Variants in KLHL32 observed in about 807,000 individuals in gnomAD.
KLHL32 encodes the protein kelch like family member 32.
A neutral mutation model predicts 64.8 loss-of-function variants in KLHL32; 35 were observed. The ratio of observed to expected loss-of-function variants is 0.54; its 90% CI spans 0.41 to 0.72. KLHL32 has a LOEUF of 0.72. Ranked by LOEUF, KLHL32 falls within the 30% of genes least tolerant of loss-of-function variation. The pLI, the probability that KLHL32 is intolerant of heterozygous loss-of-function variation, is 0.00. For missense variants in KLHL32, 589 were observed against 768.5 expected (o/e 0.77, Z 2.76); for synonymous variants, 259 against 281.0 (o/e 0.92, Z 0.78).
chr6:97,075,057 T>G (rs1791388165), intron 5 of KLHL32, among the ~76,000 whole-genome samples: 1 of 152,050 alleles, frequency 6.6e-6, no homozygotes, highest in Admixed American at 6.6e-5. Flanking sequence ...CTAGAGAATT[T>G]CCCAAGGAAC....
intron 3 of KLHL32, among the ~76,000 whole-genome samples, chr6:97,016,131 G>T (rs1007588251): frequency 6.6e-5 from 10 of 152,250 alleles, no homozygotes; most frequent in African/African-American, 2.4e-4. Context: ...GAAATGTGGG[G>T]TCGGAGCCCC....
intron 1 of KLHL32, among the ~76,000 whole-genome samples, chr6:96,954,045 A>G (rs1180734516): frequency 2.6e-5 from 4 of 151,972 alleles, no homozygotes; most frequent in South Asian, 2.1e-4. Context: ...TTCCTTCACT[A>G]TCACCTGAGA....
At position 96,987,189 on chromosome 6, in the gene KLHL32, T is replaced by A. The variant is rs150632317; in HGVS notation, c.204+11012T>A. On this transcript the variant is annotated intron_variant, in intron 3 of 10. Coordinates refer to ENST00000369261, the MANE Select transcript of KLHL32 (RefSeq NM_052904.4). ...CTGGATTCATTGATTTTTTGAAGGGTTTTTTGAGTCTCTATTTCCTTCAGT... is the reference window on the plus strand; with the variant it reads ...CTGGATTCATTGATTTTTTGAAGGGATTTTTGAGTCTCTATTTCCTTCAGT... Among the ~76,000 whole-genome samples the A allele has an allele frequency of 3.9e-3, 597 of 152,292 alleles. 2 individuals are homozygous for A. Among genetic ancestry groups the A allele is most frequent in the African/African-American group, 0.014 (565 of 41,562 alleles).
At chr6:97,138,028 T>C (rs965621375) in intron 10 of KLHL32, among the ~76,000 whole-genome samples, 2 of 152,232 alleles carry the variant, frequency 1.3e-5, no homozygotes, top group Non-Finnish European at 2.9e-5. Context: ...CTTTCATTTT[T>C]TTAAAACACC....
intron 3 of KLHL32, among the ~76,000 whole-genome samples, chr6:96,996,399 A>C (rs139815512): frequency 6.6e-6 from 1 of 152,280 alleles, no homozygotes; most frequent in African/African-American, 2.4e-5. Context: ...AACAACAACA[A>C]TCTGTGTTTC....
At chr6:96,997,751 A>G (rs1320350099) in intron 3 of KLHL32, among the ~76,000 whole-genome samples, 3 of 152,160 alleles carry the variant, frequency 2.0e-5, no homozygotes, top group African/African-American at 7.2e-5. Context: ...AACAACAAAA[A>G]AAACCATACA....
intron 9 of KLHL32, among the ~76,000 whole-genome samples, chr6:97,132,067 T>G (rs1280452742): frequency 6.6e-6 from 1 of 152,150 alleles, no homozygotes; most frequent in Admixed American, 6.5e-5. Flanking sequence ...CATTTTGGCG[T>G]GTCAGCATCT....
intron 7 of KLHL32, among the ~76,000 whole-genome samples, chr6:97,118,411 G>C (rs1323192904): frequency 6.6e-6 from 1 of 152,068 alleles, no homozygotes; most frequent in Non-Finnish European, 1.5e-5. Context: ...CTGAGATTAG[G>C]AGTTCGAGAC....
chr6:97,086,020 C>T (rs1793360963), intron 6 of KLHL32, among the ~76,000 whole-genome samples: 1 of 152,170 alleles, frequency 6.6e-6, no homozygotes, highest in African/African-American at 2.4e-5. Context: ...TTGAAAAATC[C>T]ACTTGGTGTC....
chr6:96,931,264 CCTT>C (rs780967528), intron 1 of KLHL32, among the ~76,000 whole-genome samples: 3 of 152,170 alleles, frequency 2.0e-5, no homozygotes, highest in Non-Finnish European at 4.4e-5. Context: ...ACCAGCAACT[CCTT>C]CTTCTGTGTT....
chr6:96,933,927 T>A (rs941456855), intron 1 of KLHL32, among the ~76,000 whole-genome samples: 1 of 152,242 alleles, frequency 6.6e-6, no homozygotes, highest in African/African-American at 2.4e-5. Flanking sequence ...GGAATCAGTT[T>A]CCTTGAGTTT....
At chr6:97,114,572 T>C in intron 7 of KLHL32, 63 bp downstream of exon 7, 2 of 1,587,672 alleles carry the variant, frequency 1.3e-6, no homozygotes, top group Middle Eastern at 1.7e-4. Context: ...TATTTAAAAG[T>C]CAAGCTTTAA....
chr6:96,974,179 A>G (rs1314406591), intron 2 of KLHL32, among the ~76,000 whole-genome samples: 1 of 152,188 alleles, frequency 6.6e-6, no homozygotes, highest in African/African-American at 2.4e-5. Context: ...TGCAGATTAC[A>G]TGAACTAGTC....
At chr6:97,059,844 A>C (rs1396719509) in intron 4 of KLHL32, among the ~76,000 whole-genome samples, 1 of 152,166 alleles carries the variant, frequency 6.6e-6, no homozygotes, top group Non-Finnish European at 1.5e-5. Context: ...TATCCAGTTC[A>C]TTTGATGATT....
the KLHL32 span, among the ~76,000 whole-genome samples, chr6:96,916,214 A>G: frequency 1.3e-5 from 2 of 152,180 alleles, no homozygotes; most frequent in Non-Finnish European, 2.9e-5. Context: ...CAGTTTGAAC[A>G]CTCGGCAGTC....
intron 6 of KLHL32, among the ~76,000 whole-genome samples, chr6:97,112,899 A>G (rs1797351129): frequency 6.6e-6 from 1 of 150,442 alleles, no homozygotes; most frequent in Non-Finnish European, 1.5e-5. Flanking sequence ...AAATTAAACA[A>G]TAATTTTTAT....
chr6:97,074,603 TAA>T (rs113451263), intron 5 of KLHL32, among the ~76,000 whole-genome samples: 2 of 145,018 alleles, frequency 1.4e-5, no homozygotes, highest in African/African-American at 5.1e-5. Flanking sequence ...GTGAGGGATT[TAA>T]AAAAAAAAAA....
chr6:96,901,674 A>T, the KLHL32 span, among the ~76,000 whole-genome samples: 2 of 152,228 alleles, frequency 1.3e-5, no homozygotes, highest in Admixed American at 1.3e-4. Flanking sequence ...AGATCATCCC[A>T]TCACCCAGGT....
intron 6 of KLHL32, among the ~76,000 whole-genome samples, chr6:97,103,366 A>C (rs976623367): frequency 6.6e-6 from 1 of 152,260 alleles, no homozygotes; most frequent in African/African-American, 2.4e-5. Flanking sequence ...GGCACCTGCC[A>C]TCACACCTGG....
Sources: gnomAD v4.1 joint callset for allele counts (sites outside exome capture counted in the v4.1 genomes callset) on GRCh38, gnomAD v4.1.1 for gene constraint, MANE v1.5 for transcripts, NCBI Gene and HGNC (gene_info 2026-07-23, HGNC 2026-07-21) for gene names.